The following DDX27 variants were observed in gnomAD, a reference collection of about 807,000 sequenced individuals.
DDX27 encodes probable ATP-dependent RNA helicase DDX27.
A neutral mutation model predicts 99.3 loss-of-function variants in DDX27; 42 were observed. That is an observed-to-expected ratio of 0.42 (90% CI 0.33 to 0.55). DDX27 has a LOEUF of 0.55. DDX27 is among the 20% of genes least tolerant of loss of function. DDX27 has a pLI of 0.07. For missense variants in DDX27, 798 were observed against 976.8 expected (o/e 0.82, Z 2.44); for synonymous variants, 329 against 353.8 (o/e 0.93, Z 0.79).
chr20:49,232,395 C>T (rs962681636), intron 9 of DDX27, among the ~76,000 whole-genome samples: 4 of 151,956 alleles, frequency 2.6e-5, no homozygotes, highest in African/African-American at 7.2e-5. Context: ...TTTGGGAGGC[C>T]GAGGCAGGCG....
At position 49,230,691 on chromosome 20, in the gene DDX27, G is replaced by A. The variant is rs546666250; in HGVS notation, c.1031+342G>A. ...GCACACCATAGTGTTGAGGAGCTGA[G>A]GAGGGAGGAAGAGGAAGTGCCAGCG... On this transcript the variant is annotated intron_variant, in intron 9 of 20. Coordinates refer to ENST00000618172, the MANE Select transcript of DDX27 (RefSeq NM_017895.8). 2.6e-5 allele frequency among the ~76,000 whole-genome samples: 4 copies of A among 152,348 alleles called. No homozygotes were observed. In the East Asian group the frequency reaches 5.8e-4, roughly 22 times the overall value.
intron 7 of DDX27, 40 bp from the exon 8 acceptor site, chr20:49,228,675 A>G (rs767426223): frequency 1.9e-6 from 3 of 1,545,314 alleles, no homozygotes; most frequent in Non-Finnish European, 2.6e-6. Context: ...GGAGGGAGCT[A>G]AACTTCTTCT....
rs765109298 is a variant in DDX27, at chr20:49,233,609, G to C, written c.1173G>C (p.Arg391=). Residue 391 remains arginine, a synonymous_variant, in exon 11 of 21, where the codon CGG becomes CGC. Transcript: ENST00000618172. ...LASVSLKNPV[R]IFVNSNTDVA... ...CTGTCTCCTTGAAGAATCCTGTCCG[G>C]ATATTTGTGAACAGCAACACAGATG... 4 of 1,613,914 alleles carry C rather than the reference G, an allele frequency of 2.5e-6. No homozygotes were observed. The highest frequency in any genetic ancestry group is 3.4e-6 in the Non-Finnish European group (4 of 1,179,930).
intron 8 of DDX27, among the ~76,000 whole-genome samples, chr20:49,229,852 G>T (rs1204785482): frequency 6.6e-6 from 1 of 151,984 alleles, no homozygotes; most frequent in African/African-American, 2.4e-5. Flanking sequence ...CGCCATGTTG[G>T]GTAGGCTGGT....
intron 10 of DDX27, 72 bp from the exon 11 acceptor site, chr20:49,233,496 G>A: frequency 6.2e-7 from 1 of 1,601,548 alleles, no homozygotes; most frequent in Non-Finnish European, 8.5e-7. Flanking sequence ...GGGTTTGCCT[G>A]GGGTGAGCAC....
In DDX27 at chr20:49,222,973, T is replaced by C. The variant is rs1488412039; in HGVS notation, c.257T>C (p.Leu86Ser). The C allele has an allele frequency of 6.8e-6, 11 of 1,612,926 alleles. No homozygotes were observed. The highest frequency in any genetic ancestry group is 1.3e-5 in the African/African-American group (1 of 74,836). ...QLKKKRAATTLDEKIEKVRKK... is the reference protein window; with the variant it reads ...QLKKKRAATTSDEKIEKVRKK... ...TATCTGCAGAGGGCAGCCACTACAT[T>C]AGATGAGAAGATTGAGAAAGTTCGA... The change falls in exon 3 of 21, where the codon TTA (leucine) becomes TCA (serine). Residue 86 changes from leucine to serine, a missense_variant. By Grantham distance (145) the Leu-to-Ser change is moderately radical (BLOSUM62 -2). This residue lies in a region of DDX27 where 245 missense variants were observed against 248.8 expected (regional missense o/e 0.98). Transcript: ENST00000618172.
In DDX27 at chr20:49,233,417, G is replaced by C. The variant is rs747296342; in HGVS notation, c.1131+12G>C. ...CCATGACAGACGAGGTGGGCCGAGG[G>C]ACTTCTCTGTGGCGGGTGGCAGGTG... On this transcript the variant is annotated intron_variant, in intron 10 of 20. Transcript: ENST00000618172. 2 of 1,613,492 alleles carry C rather than the reference G, an allele frequency of 1.2e-6. No homozygotes were observed. The highest frequency in any genetic ancestry group is 1.1e-5 in the South Asian group (1 of 91,062).
At chr20:49,221,744 AC>A (rs1568970583) in intron 2 of DDX27, 146 bp downstream of exon 2, 2 of 632,132 alleles carry the variant, frequency 3.2e-6, no homozygotes, top group African/African-American at 1.9e-5. Flanking sequence ...TTAAAAAAAA[AC>A]AAAAGAAAAT....
rs772863634 is a variant in DDX27 at position 49,223,296 on chromosome 20, A to C, written c.329A>C (p.Glu110Ala). The C allele has an allele frequency of 6.2e-7, 1 of 1,611,608 alleles. No individual in the cohort carries two copies. The highest frequency in any genetic ancestry group is 1.1e-5 in the South Asian group (1 of 90,534). Residue 110 changes from glutamate (E) to alanine (A), a missense_variant, in exon 4 of 21, where the codon GAA becomes GCA. Transcript: ENST00000618172. Reference protein sequence around the residue: ...EDKEAKSGKLEKEKEAKEGSE... With the variant: ...EDKEAKSGKLAKEKEAKEGSE... ...AAAGAAGCCAAGTCTGGGAAGTTGGAAAAGGAGAAAGAAGCAAAGGAAGGC... is the reference window on the plus strand; with the variant it reads ...AAAGAAGCCAAGTCTGGGAAGTTGGCAAAGGAGAAAGAAGCAAAGGAAGGC...
At position 49,226,857 on chromosome 20, in the gene DDX27, C is replaced by CTTTT. The variant is rs36048579; in HGVS notation, c.706+342_706+345dup. On this transcript the variant is annotated intron_variant, in intron 7 of 20. Transcript: ENST00000618172. The stretch of plus-strand genomic sequence containing the variant: ...CTGGTGCAATTGAGAGAGTAAAGGA[C>CTTTT]TTTTTTTTTTTTTTTTTTTTTTTGA... Among the ~76,000 whole-genome samples the CTTTT allele has an allele frequency of 7.0e-3, 442 of 63,442 alleles. 96 individuals carry two copies. The highest frequency in any genetic ancestry group is 0.016 in the African/African-American group (243 of 15,426). The allele number at this position is 63,442 out of a possible 152,430, so 41.6% of individuals were successfully genotyped here.
chr20:49,238,907 C>G (rs1980387868), intron 14 of DDX27, 42 bp from the exon 15 acceptor site: 1 of 1,480,750 alleles, frequency 6.8e-7, no homozygotes, highest in Non-Finnish European at 9.4e-7. Context: ...CCATGCCTGG[C>G]CTACCCTTAT....
At chr20:49,239,472 C>A in intron 16 of DDX27, 134 bp downstream of exon 16, 1 of 664,900 alleles carries the variant, frequency 1.5e-6, no homozygotes, top group South Asian at 2.0e-5. Flanking sequence ...TCGTGGAAGA[C>A]AATGTTTCCA....
rs577807605 is a variant in DDX27, at chr20:49,222,879, G to A, written c.241-78G>A. ...AAGGCCAAAATTTTTTCTTTTTCAA[G>A]TTAATTATGAAGAGTTTGTTCTCTT... On this transcript the variant is annotated intron_variant, in intron 2 of 20. Coordinates refer to ENST00000618172, the MANE Select transcript of DDX27 (RefSeq NM_017895.8). 36 of 1,287,922 alleles carry A rather than the reference G, an allele frequency of 2.8e-5. No individual in the cohort carries two copies. The South Asian group carries it at 5.5e-4, about 20-fold the overall frequency. The allele number at this position is 1,287,922 out of a possible 1,614,324, so 79.8% of individuals were successfully genotyped here. A position where few individuals can be genotyped will look rare whatever the true frequency, so the allele number is the denominator to read the frequency against.
chr20:49,219,661 A>G (rs1979558664), intron 1 of DDX27, 120 bp downstream of exon 1: 1 of 1,077,588 alleles, frequency 9.3e-7, no homozygotes, highest in African/African-American at 1.6e-5. Flanking sequence ...CCCGAAAAGG[A>G]TCTCACCGGG....
chr20:49,235,409 T>G, intron 12 of DDX27: 2 of 239,396 alleles, frequency 8.4e-6, no homozygotes, highest in Non-Finnish European at 8.0e-6. Flanking sequence ...GTGGTGAACA[T>G]TCCTGGGTCT....
chr20:49,231,764 G>A (rs986276362), intron 9 of DDX27, among the ~76,000 whole-genome samples: 9 of 152,180 alleles, frequency 5.9e-5, no homozygotes, highest in Non-Finnish European at 7.3e-5. Context: ...ATGATGGAGC[G>A]TGAATGCAGG....
chr20:49,238,894 C>T, intron 14 of DDX27, 55 bp from the exon 15 acceptor site: 1 of 1,336,516 alleles, frequency 7.5e-7, no homozygotes, highest in East Asian at 2.3e-5. Context: ...CAGGTGTGAG[C>T]CACCATGCCT....
intron 9 of DDX27, chr20:49,231,113 C>G (rs1980095611): frequency 6.6e-6 from 1 of 152,432 alleles, no homozygotes; most frequent in African/African-American, 2.4e-5. Context: ...CCTGCCCCTT[C>G]AGGTTTCTGT....
At chr20:49,241,078 G>T (rs1478643332) in intron 16 of DDX27, among the ~76,000 whole-genome samples, 1 of 152,176 alleles carries the variant, frequency 6.6e-6, no homozygotes, top group East Asian at 1.9e-4. Flanking sequence ...AACAAGTGAT[G>T]TAGGGAATAA....
Sources: gnomAD v4.1 joint callset for allele counts (sites outside exome capture counted in the v4.1 genomes callset) on GRCh38, gnomAD v4.1.1 for gene constraint, gnomAD v4.1.1 regional missense constraint, MANE v1.5 for transcripts, NCBI Gene and HGNC (gene_info 2026-07-23, HGNC 2026-07-21) for gene names.